The following LRRC37A2 variants were observed in gnomAD, a reference collection of about 807,000 sequenced individuals.
LRRC37A2 encodes leucine rich repeat containing 37 member A2.
In LRRC37A2, 9 loss-of-function variants were observed where a neutral mutation model predicts 68.8. The observed-to-expected ratio is 0.13, with a 90% CI of 0.08 to 0.23. The LOEUF is 0.23. Among genes scored for constraint, LRRC37A2 ranks in the 10% least tolerant of loss-of-function variants. The pLI is 1.00. For missense variants in LRRC37A2, 168 were observed against 950.4 expected (o/e 0.18, Z 10.82); for synonymous variants, 63 against 367.6 (o/e 0.17, Z 9.48).
chr17:46,845,977 G>C, the LRRC37A2 span, among the ~76,000 whole-genome samples: 1 of 152,040 alleles, frequency 6.6e-6, no homozygotes, highest in Non-Finnish European at 1.5e-5. Flanking sequence ...TTTCAGCAGA[G>C]ATGGGGTTTT....
chr17:46,973,292 TCTCA>T, the LRRC37A2 span, among the ~76,000 whole-genome samples: 2 of 151,802 alleles, frequency 1.3e-5, no homozygotes, highest in Non-Finnish European at 2.9e-5. Flanking sequence ...GCTTGCTCAC[TCTCA>T]CTCTGCTGCT....
the LRRC37A2 span, among the ~76,000 whole-genome samples, chr17:47,029,328 A>G: frequency 3.2e-4 from 49 of 152,246 alleles, 1 homozygote; most frequent in South Asian, 2.7e-3. Context: ...TCTTAATTCC[A>G]TATACTTTCC....
At chr17:46,832,051 G>A in the LRRC37A2 span, among the ~76,000 whole-genome samples, 11 of 152,212 alleles carry the variant, frequency 7.2e-5, no homozygotes, top group African/African-American at 2.4e-4. Flanking sequence ...TGAGGCCCGC[G>A]TGGTTTTGGG....
At chr17:46,835,132 C>T in the LRRC37A2 span, among the ~76,000 whole-genome samples, 2 of 152,138 alleles carry the variant, frequency 1.3e-5, no homozygotes, top group Non-Finnish European at 2.9e-5. Flanking sequence ...GTAGCTGGCA[C>T]TACAGGAACA....
chr17:46,771,736 C>A, the LRRC37A2 span, among the ~76,000 whole-genome samples: 2 of 129,270 alleles, frequency 1.5e-5, no homozygotes, highest in Non-Finnish European at 3.4e-5. Context: ...CCGCGAAATC[C>A]CCATTGAAGC....
the LRRC37A2 span, among the ~76,000 whole-genome samples, chr17:46,792,896 T>C: frequency 6.6e-6 from 1 of 151,968 alleles, no homozygotes; most frequent in African/African-American, 2.4e-5. Flanking sequence ...TAACGGATGA[T>C]GACATGGGCT....
At chr17:46,945,580 CTCA>C in the LRRC37A2 span, among the ~76,000 whole-genome samples, 6 of 152,300 alleles carry the variant, frequency 3.9e-5, no homozygotes, top group East Asian at 1.2e-3. Flanking sequence ...TGGGTGGTAA[CTCA>C]TCAGAGAGGA....
the LRRC37A2 span, among the ~76,000 whole-genome samples, chr17:46,980,092 G>T: frequency 6.6e-6 from 1 of 152,006 alleles, no homozygotes; most frequent in Non-Finnish European, 1.5e-5. Flanking sequence ...AACCCAGATT[G>T]CTTCCACCTC....
the LRRC37A2 span, among the ~76,000 whole-genome samples, chr17:46,855,691 A>G: frequency 6.6e-6 from 1 of 152,162 alleles, no homozygotes; most frequent in Non-Finnish European, 1.5e-5. Context: ...CAGTTACCCA[A>G]TCCAGTCTAT....
chr17:46,949,393 A>G, the LRRC37A2 span: 79 of 152,214 alleles, frequency 5.2e-4, no homozygotes, highest in African/African-American at 1.7e-3. Flanking sequence ...TGTACTTTCT[A>G]TGACCAAGCC....
At chr17:46,745,204 C>T in the LRRC37A2 span, among the ~76,000 whole-genome samples, 4 of 152,300 alleles carry the variant, frequency 2.6e-5, no homozygotes, top group Non-Finnish European at 4.4e-5. Flanking sequence ...TCCCTTCAGA[C>T]GAATCCCATG....
downstream of LRRC37A2, among the ~76,000 whole-genome samples, chr17:46,558,145 C>T (rs566993103): frequency 1.5e-3 from 182 of 122,696 alleles, 18 homozygotes; most frequent in African/African-American, 5.6e-3. Flanking sequence ...CTGCATCCTC[C>T]GCCTCCTGGG....
At chr17:46,938,420 G>C in the LRRC37A2 span, among the ~76,000 whole-genome samples, 80 of 152,252 alleles carry the variant, frequency 5.3e-4, no homozygotes, top group East Asian at 0.013. Context: ...CTGGTACCTT[G>C]ATCAAAAATC....
At chr17:46,805,451 T>TA in the LRRC37A2 span, among the ~76,000 whole-genome samples, 2 of 151,154 alleles carry the variant, frequency 1.3e-5, no homozygotes, top group Non-Finnish European at 3.0e-5. Flanking sequence ...CGGGCGCCTA[T>TA]AATCCCAGCT....
chr17:46,999,604 C>A, the LRRC37A2 span, among the ~76,000 whole-genome samples: 2,268 of 152,202 alleles, frequency 0.015, 42 homozygotes, highest in African/African-American at 0.053. Flanking sequence ...CCCACCTTGG[C>A]CTCCCAAAGT....
At chr17:46,790,843 G>A in the LRRC37A2 span, among the ~76,000 whole-genome samples, 1 of 152,196 alleles carries the variant, frequency 6.6e-6, no homozygotes, top group Non-Finnish European at 1.5e-5. Context: ...CGCGTTTTAT[G>A]TGCGTTCCAA....
chr17:46,824,393 C>T, the LRRC37A2 span, among the ~76,000 whole-genome samples: 1 of 152,070 alleles, frequency 6.6e-6, no homozygotes, highest in Non-Finnish European at 1.5e-5. Flanking sequence ...AGATTACAGG[C>T]GCTCGCCACC....
chr17:46,744,106 G>T, the LRRC37A2 span, among the ~76,000 whole-genome samples: 1 of 152,014 alleles, frequency 6.6e-6, no homozygotes, highest in African/African-American at 2.4e-5. Flanking sequence ...GGTGCCCTCC[G>T]CCATGATTAG....
the LRRC37A2 span, among the ~76,000 whole-genome samples, chr17:46,782,290 G>A: frequency 6.6e-6 from 1 of 152,230 alleles, no homozygotes; most frequent in Admixed American, 6.5e-5. Flanking sequence ...TGCTGAGAGG[G>A]AGAGGAGGAG....
Sources: gnomAD v4.1 joint callset for allele counts (sites outside exome capture counted in the v4.1 genomes callset) on GRCh38, gnomAD v4.1.1 for gene constraint, MANE v1.5 for transcripts, NCBI Gene and HGNC (gene_info 2026-07-23, HGNC 2026-07-21) for gene names.